The following SIGLEC15 variants were observed in gnomAD, a reference collection of about 807,000 sequenced individuals.
SIGLEC15 encodes the protein sialic acid binding Ig like lectin 15.
Under a neutral mutation model 26.2 loss-of-function variants are expected in SIGLEC15, and 31 were observed. The ratio of observed to expected loss-of-function variants is 1.18; its 90% confidence interval spans 0.89 to 1.60. SIGLEC15 has a LOEUF of 1.60. Ranked by LOEUF, SIGLEC15 falls within the 40% of genes most tolerant of loss-of-function variation. The pLI, the probability that SIGLEC15 is intolerant of heterozygous loss-of-function variation, is 0.00. For synonymous variants in SIGLEC15, 207 were observed against 221.9 expected, an observed-to-expected ratio of 0.93 and a Z score of 0.60; for missense variants, 501 against 488.4, an observed-to-expected ratio of 1.03 and a Z score of -0.24.
rs1266050142 is a variant in SIGLEC15, at chr18:45,837,687, C to T, written c.287C>T (p.Ala96Val). The T allele has an allele frequency of 6.8e-7, 1 of 1,478,526 alleles. No individual in the cohort carries two copies. The highest frequency in any genetic ancestry group is 8.9e-7 in the Non-Finnish European group (1 of 1,124,324). 91.6% of individuals were successfully genotyped at this position (1,478,526 alleles called of 1,614,324 possible). ...GCGGGCCCGCAGGTGTTCCGCTGCGCTGCGGCGCGGGGCAGCGAGCTCTGC... is the reference window on the plus strand; with the variant it reads ...GCGGGCCCGCAGGTGTTCCGCTGCGTTGCGGCGCGGGGCAGCGAGCTCTGC... ...PYAGPQVFRC[A>V]AARGSELCQT... is the part of the protein sequence containing the mutation. Residue 96 changes from alanine to valine, a missense_variant, in exon 3 of 6, where the codon GCT becomes GTT. Transcript: ENST00000389474.
At chr18:45,831,047 T>C (rs1396866791) in intron 1 of SIGLEC15, among the ~76,000 whole-genome samples, 1 of 152,228 alleles carries the variant, frequency 6.6e-6, no homozygotes, top group Non-Finnish European at 1.5e-5. Flanking sequence ...GCCAGAGAGC[T>C]ATGGCAACTT....
chr18:45,828,847 C>T (rs1168431182), intron 1 of SIGLEC15, among the ~76,000 whole-genome samples: 2 of 152,214 alleles, frequency 1.3e-5, no homozygotes, highest in African/African-American at 4.8e-5. Context: ...TAGCAGCGGT[C>T]ACCCAAAGAT....
chr18:45,840,306 TC>T, intron 5 of SIGLEC15, 65 bp downstream of exon 5: 1 of 1,533,636 alleles, frequency 6.5e-7, no homozygotes, highest in Non-Finnish European at 8.9e-7. Context: ...ACCCAGGGGG[TC>T]CAGGCAGGAG....
Position 45,838,375 on chromosome 18 carries a change from C to T in SIGLEC15, c.497-343C>T, listed in dbSNP as rs921756095. 10 of 421,606 alleles carry T rather than the reference C, an allele frequency of 2.4e-5. No homozygotes were observed. The Admixed American group carries it at 4.3e-4, about 18-fold the overall frequency. 26.1% of individuals were successfully genotyped at this position (421,606 alleles called of 1,614,324 possible). On this transcript the variant is annotated intron_variant, in intron 3 of 5. Transcript: ENST00000389474. ...CAGGGTCCCGTCCCTAGAGCAGTGG[C>T]TCTCCACTCTAGCCCCCACCCTGCT... is the stretch of plus-strand genomic sequence containing the variant.
At position 45,831,111 on chromosome 18, in the gene SIGLEC15, CCT is replaced by C. The variant is rs577045798; in HGVS notation, c.52+5332_52+5333del. 6.6e-3 allele frequency among the ~76,000 whole-genome samples: 1,012 copies of C among 152,296 alleles called. 10 individuals carry two copies. The highest frequency in any genetic ancestry group is 0.023 in the African/African-American group (945 of 41,566). ...CTAGGGCTGGAGCCCCGGACAGACCCCTGACACCCACTCTGAGGGGCATGCCA... is the reference window on the plus strand; with the variant it reads ...CTAGGGCTGGAGCCCCGGACAGACCCGACACCCACTCTGAGGGGCATGCCA... On this transcript the variant is annotated intron_variant, in intron 1 of 5. Coordinates refer to ENST00000389474, the MANE Select transcript of SIGLEC15 (RefSeq NM_213602.3).
intron 1 of SIGLEC15, among the ~76,000 whole-genome samples, chr18:45,836,364 C>T (rs2048275941): frequency 1.3e-5 from 2 of 152,076 alleles, no homozygotes; most frequent in African/African-American, 2.4e-5. Context: ...CAAGAGCTGC[C>T]GTATTATTTC....
In SIGLEC15 at chr18:45,838,957, T is replaced by G; in HGVS notation, c.736T>G (p.Ser246Ala). The change falls in exon 4 of 6, where the codon TCC (serine) becomes GCC (alanine). Residue 246 changes from serine to alanine, a missense_variant. Coordinates refer to ENST00000389474, the MANE Select transcript of SIGLEC15 (RefSeq NM_213602.3). ...TCTAANSLGR[S>A]EASVYLFRFH... Reference sequence around the variant, plus strand: ...TACGGCCGCCAACAGCCTGGGCCGCTCCGAGGCCAGCGTCTACCTGTTCCG... The same window carrying G: ...TACGGCCGCCAACAGCCTGGGCCGCGCCGAGGCCAGCGTCTACCTGTTCCG... 6.2e-7 allele frequency: 1 copy of G among 1,604,702 alleles called. No individual in the cohort carries two copies. The highest frequency in any genetic ancestry group is 1.1e-5 in the South Asian group (1 of 90,648).
Position 45,842,442 on chromosome 18 carries a change from T to TGTGAGAGAGA in SIGLEC15, c.*256_*257insTGAGAGAGAG, listed in dbSNP as rs372465193. On this transcript the variant is annotated 3_prime_UTR_variant, in exon 6 of 6. Transcript: ENST00000389474. ...ATACGTCTGTGTGTGTGTGTGTGTG[T>TGTGAGAGAGA]GAGAGAGAGAGAGAGAGAGTACACG... is the stretch of plus-strand genomic sequence containing the variant. 15 of 345,084 alleles carry TGTGAGAGAGA rather than the reference T, an allele frequency of 4.3e-5. No homozygotes were observed. Among genetic ancestry groups the TGTGAGAGAGA allele is most frequent in the African/African-American group, 3.2e-4 (15 of 46,978 alleles). The allele number at this position is 345,084 out of a possible 1,614,324, so 21.4% of individuals were successfully genotyped here. A position where few individuals can be genotyped will look rare whatever the true frequency, so the allele number is the denominator to read the frequency against.
chr18:45,838,011 C>G, intron 3 of SIGLEC15, 115 bp downstream of exon 3: 2 of 1,278,040 alleles, frequency 1.6e-6, no homozygotes, highest in Non-Finnish European at 2.0e-6. Context: ...CAACGAGACC[C>G]AGCCCTCTCC....
intron 1 of SIGLEC15, among the ~76,000 whole-genome samples, chr18:45,831,878 T>C (rs2048238297): frequency 1.3e-5 from 2 of 152,142 alleles, no homozygotes; most frequent in South Asian, 4.1e-4. Flanking sequence ...GCTGGGATTA[T>C]AGACGTGCAC....
At chr18:45,830,723 C>G (rs1568078202) in intron 1 of SIGLEC15, among the ~76,000 whole-genome samples, 1 of 148,908 alleles carries the variant, frequency 6.7e-6, no homozygotes, top group African/African-American at 2.5e-5. Flanking sequence ...GTAGCTGGAA[C>G]TACAGGCACC....
chr18:45,826,650 G>A lies in SIGLEC15; in HGVS notation c.52+870G>A, dbSNP rs180939175. Among the ~76,000 whole-genome samples, 550 of 152,170 alleles carry A rather than the reference G, an allele frequency of 3.6e-3. 3 individuals are homozygous for A. Among genetic ancestry groups the A allele is most frequent in the African/African-American group, 0.011 (464 of 41,534 alleles). On this transcript the variant is annotated intron_variant, in intron 1 of 5. Transcript: ENST00000389474. ...TCAGCATCCATGCCACTGTATGCTC[G>A]GCCATCACAGGCCACACACTGACAT...
rs569081026 is a variant in SIGLEC15 at position 45,837,660 on chromosome 18, A to G, written c.260A>G (p.Tyr87Cys). The G allele has an allele frequency of 1.5e-4, 218 of 1,502,442 alleles. No homozygotes were observed. In the African/African-American group the frequency reaches 2.0e-3, roughly 13 times the overall value. 93.1% of individuals were successfully genotyped at this position (1,502,442 alleles called of 1,614,324 possible). ...GCCATCTGGCGCGCGGGCGAGCCCT[A>G]TGCGGGCCCGCAGGTGTTCCGCTGC... is the stretch of plus-strand genomic sequence containing the variant. Reference protein sequence around the residue: ...LTAIWRAGEPYAGPQVFRCAA... With the variant: ...LTAIWRAGEPCAGPQVFRCAA... The change falls in exon 3 of 6, where the codon TAT becomes TGT. Residue 87 changes from tyrosine (Y) to cysteine (C), a missense_variant. Physicochemically the swap from Tyr to Cys is radical, Grantham distance 194 (BLOSUM62 -2). Transcript: ENST00000389474.
chr18:45,838,658 C>A, intron 3 of SIGLEC15, 60 bp from the exon 4 acceptor site: 1 of 1,460,448 alleles, frequency 6.8e-7, no homozygotes, highest in South Asian at 1.4e-5. Context: ...CCGGCTCTGG[C>A]GTCCAAAGGG....
intron 1 of SIGLEC15, among the ~76,000 whole-genome samples, chr18:45,835,302 C>T (rs1317574942): frequency 6.6e-6 from 1 of 152,128 alleles, no homozygotes. Flanking sequence ...CAGAGATGGG[C>T]ATGTGCACTA....
intron 1 of SIGLEC15, among the ~76,000 whole-genome samples, chr18:45,831,743 C>A (rs1275375523): frequency 6.8e-6 from 1 of 146,756 alleles, no homozygotes; most frequent in Non-Finnish European, 1.5e-5. Context: ...GTACCAACAT[C>A]TTTTTTTTTT....
chr18:45,837,418 G>T, intron 2 of SIGLEC15, 95 bp from the exon 3 acceptor site: 1 of 1,385,194 alleles, frequency 7.2e-7, no homozygotes, highest in Non-Finnish European at 9.3e-7. Flanking sequence ...CTAGGGGTTG[G>T]GGGAGCGTTT....
chr18:45,836,838 A>G (rs2048279652), intron 1 of SIGLEC15, among the ~76,000 whole-genome samples, 191 bp from the exon 2 acceptor site: 2 of 152,178 alleles, frequency 1.3e-5, no homozygotes, highest in African/African-American at 4.8e-5. Context: ...CCTCTCTGTA[A>G]GTGGAAGTGC....
At chr18:45,834,553 C>T (rs1231586240) in intron 1 of SIGLEC15, among the ~76,000 whole-genome samples, 1 of 152,190 alleles carries the variant, frequency 6.6e-6, no homozygotes, top group Non-Finnish European at 1.5e-5. Flanking sequence ...TGGCCAGAAG[C>T]CATATTCAGA....
Sources: gnomAD v4.1 joint callset for allele counts (sites outside exome capture counted in the v4.1 genomes callset) on GRCh38, gnomAD v4.1.1 for gene constraint, MANE v1.5 for transcripts, NCBI Gene and HGNC (gene_info 2026-07-23, HGNC 2026-07-21) for gene names.